The following CACNA1E variants were observed in gnomAD, a reference collection of about 807,000 sequenced individuals.
CACNA1E encodes voltage-dependent R-type calcium channel subunit alpha-1E.
A neutral mutation model predicts 259.2 loss-of-function variants in CACNA1E; 40 were observed. The ratio of observed to expected loss-of-function variants is 0.15; its 90% CI spans 0.12 to 0.20. The LOEUF is 0.20. Ranked by LOEUF, CACNA1E falls within the 10% of genes least tolerant of loss-of-function variation. CACNA1E has a pLI of 1.00. For synonymous variants in CACNA1E, 1,104 were observed against 1,138.5 expected (o/e 0.97, Z 0.61); for missense variants, 1,874 against 3,040.1 (o/e 0.62, Z 9.02).
rs531272388 is a variant in CACNA1E at position 181,527,384 on chromosome 1, T to C, written c.512+15874T>C. On this transcript the variant is annotated intron_variant, in intron 3 of 47. Coordinates refer to ENST00000367573, the MANE Select transcript of CACNA1E (RefSeq NM_001205293.3). ...AAAGGCTGAACCTCCAAATATCACA[T>C]TGGGGATTAGGTTTCAACATATGGA... is the stretch of plus-strand genomic sequence containing the variant. 4.6e-4 allele frequency among the ~76,000 whole-genome samples: 70 copies of C among 152,302 alleles called. 3 individuals are homozygous for C. Among genetic ancestry groups the C allele is most frequent in the Non-Finnish European group, 8.8e-5 (6 of 68,008 alleles).
chr1:181,787,608 G>T, intron 43 of CACNA1E, among the ~76,000 whole-genome samples: 1 of 152,164 alleles, frequency 6.6e-6, no homozygotes, highest in East Asian at 1.9e-4. Context: ...AGGCACTGGG[G>T]CTATGGCAAA....
At chr1:181,763,758 C>G (rs76958584) in intron 34 of CACNA1E, among the ~76,000 whole-genome samples, 1 of 152,182 alleles carries the variant, frequency 6.6e-6, no homozygotes, top group African/African-American at 2.4e-5. Flanking sequence ...TAGAAAAACA[C>G]CTTGACTTTG....
At chr1:181,710,195 A>T (rs879257889) in intron 7 of CACNA1E, among the ~76,000 whole-genome samples, 1 of 105,034 alleles carries the variant, frequency 9.5e-6, no homozygotes, top group Non-Finnish European at 2.0e-5. Context: ...TCTCCCCTCC[A>T]CCCCACCCCC....
rs1663514169 is a variant in CACNA1E at position 181,483,758 on chromosome 1, G to A, written c.14G>A (p.Gly5Glu). The A allele has an allele frequency of 4.4e-6, 7 of 1,608,980 alleles. No homozygotes were observed. The highest frequency in any genetic ancestry group is 5.9e-6 in the Non-Finnish European group (7 of 1,177,878). Residue 5 changes from glycine (G) to glutamate (E), a missense_variant, in exon 1 of 48, where the codon GGG (glycine) becomes GAG (glutamate). Physicochemically the swap from Gly to Glu is moderately conservative, Grantham distance 98. This residue lies in a region of CACNA1E where 110 missense variants were observed against 122.8 expected (regional missense o/e 0.90). Transcript: ENST00000367573. ...TTAAACCTCAGGATGGCTCGCTTCG[G>A]GGAGGCGGTGGTCGCCAGGCCAGGG... is the stretch of plus-strand genomic sequence containing the variant. MARF[G>E]EAVVARPGSG...
At chr1:181,608,454 G>A (rs1346952554) in intron 6 of CACNA1E, among the ~76,000 whole-genome samples, 1 of 152,126 alleles carries the variant, frequency 6.6e-6, no homozygotes, top group Admixed American at 6.5e-5. Context: ...CAGACAAGGG[G>A]GGCTACAGCA....
chr1:181,413,711 C>G (rs1273612797), intron 2 of CACNA1E: 1 of 152,614 alleles, frequency 6.6e-6, no homozygotes, highest in Non-Finnish European at 1.5e-5. Flanking sequence ...CTGCGACTAA[C>G]GAGAGGCTGG....
intron 6 of CACNA1E, among the ~76,000 whole-genome samples, chr1:181,590,437 T>TATATATATATATATATATA (rs1558159851): frequency 1.3e-4 from 18 of 143,472 alleles, no homozygotes; most frequent in African/African-American, 4.8e-4. Flanking sequence ...ATATATATAT[T>TATATATATATATATATATA]GTATTTGACT....
intron 3 of CACNA1E, among the ~76,000 whole-genome samples, chr1:181,566,719 G>A (rs1439557153): frequency 6.6e-6 from 1 of 152,208 alleles, no homozygotes; most frequent in African/African-American, 2.4e-5. Flanking sequence ...TGTTCTCCCA[G>A]TGTGAATAGG....
intron 6 of CACNA1E, among the ~76,000 whole-genome samples, chr1:181,619,783 A>G (rs1193007121): frequency 6.6e-6 from 1 of 151,878 alleles, no homozygotes; most frequent in Non-Finnish European, 1.5e-5. Flanking sequence ...ACAAAGGGGG[A>G]GGGTCATGAT....
At chr1:181,734,639 C>A (rs1655858737) in intron 21 of CACNA1E, among the ~76,000 whole-genome samples, 1 of 136,058 alleles carries the variant, frequency 7.3e-6, no homozygotes. Context: ...TGACCCCACA[C>A]CTCATCCCTG....
At chr1:181,375,316 A>T (rs745443745) in intron 1 of CACNA1E, among the ~76,000 whole-genome samples, 1 of 152,184 alleles carries the variant, frequency 6.6e-6, no homozygotes, top group African/African-American at 2.4e-5. Flanking sequence ...GAATGTGCAC[A>T]TTATGCTTAT....
At chr1:181,479,626 T>C (rs56294518), upstream of CACNA1E, among the ~76,000 whole-genome samples, 18,122 of 152,226 alleles carry the variant, frequency 0.12, 1,181 homozygotes, top group Middle Eastern at 0.16. Context: ...GAGGGCATGG[T>C]GCCAGGAACA....
chr1:181,680,006 G>A (rs530804933), intron 7 of CACNA1E, among the ~76,000 whole-genome samples: 6 of 150,326 alleles, frequency 4.0e-5, no homozygotes, highest in East Asian at 2.0e-4. Flanking sequence ...CTAGCTACTC[G>A]GGAGGCTGAG....
intron 7 of CACNA1E, among the ~76,000 whole-genome samples, chr1:181,653,982 G>A (rs951618042): frequency 1.3e-5 from 2 of 151,994 alleles, no homozygotes; most frequent in East Asian, 3.9e-4. Context: ...GGGATCATCA[G>A]CATTTGAGGA....
chr1:181,647,976 C>G (rs1326868971), intron 6 of CACNA1E, among the ~76,000 whole-genome samples: 1 of 152,170 alleles, frequency 6.6e-6, no homozygotes, highest in African/African-American at 2.4e-5. Flanking sequence ...CCAGAAGAAC[C>G]TTTTAAGCTG....
chr1:181,744,645 C>G (rs141995464), intron 25 of CACNA1E, among the ~76,000 whole-genome samples: 1 of 152,214 alleles, frequency 6.6e-6, no homozygotes, highest in Non-Finnish European at 1.5e-5. Flanking sequence ...AAACCTCCAG[C>G]GTTGCCTATG....
intron 2 of CACNA1E, among the ~76,000 whole-genome samples, chr1:181,433,200 C>T (rs927384707): frequency 6.6e-6 from 1 of 152,172 alleles, no homozygotes; most frequent in Non-Finnish European, 1.5e-5. Context: ...CTCTTTCCAT[C>T]CCCCAACCTG....
chr1:181,650,040 A>G (rs956214291), intron 6 of CACNA1E, among the ~76,000 whole-genome samples: 3 of 152,346 alleles, frequency 2.0e-5, no homozygotes, highest in East Asian at 1.9e-4. Context: ...TGAATCAACT[A>G]TACAGTGATA....
At chr1:181,514,282 G>A (rs781603537) in intron 3 of CACNA1E, among the ~76,000 whole-genome samples, 3 of 152,146 alleles carry the variant, frequency 2.0e-5, no homozygotes, top group Non-Finnish European at 4.4e-5. Flanking sequence ...CTTTCTTAGT[G>A]CTACATAAAA....
Sources: allele counts gnomAD v4.1 joint callset (sites outside exome capture counted in the v4.1 genomes callset), GRCh38; gene constraint gnomAD v4.1.1; regional missense constraint gnomAD v4.1.1; transcripts MANE v1.5; gene names NCBI Gene and HGNC (gene_info 2026-07-23, HGNC 2026-07-21).